FLCN: variants seen among roughly 807,000 people sequenced by gnomAD.
FLCN encodes the protein folliculin.
FLCN carries 22 observed loss-of-function variants against 62.5 expected under a neutral mutation model. The observed-to-expected ratio is 0.35, with a 90% CI of 0.25 to 0.50. The LOEUF is 0.50. Among genes scored for constraint, FLCN ranks in the 20% least tolerant of loss-of-function variants. The pLI is 0.97. For missense variants in FLCN, 657 were observed against 778.0 expected, an observed-to-expected ratio of 0.84 and a Z score of 1.85; for synonymous variants, 319 against 310.0, an observed-to-expected ratio of 1.03 and a Z score of -0.30.
chr17:17,215,635 A>C (rs1252903377), intron 11 of FLCN, among the ~76,000 whole-genome samples: 1 of 152,348 alleles, frequency 6.6e-6, no homozygotes, highest in African/African-American at 2.4e-5. Flanking sequence ...ACAGATGGGG[A>C]AACAGGCCTG....
intron 7 of FLCN, 64 bp downstream of exon 7, chr17:17,222,437 G>A (rs1485923888): frequency 6.2e-7 from 1 of 1,608,784 alleles, no homozygotes; most frequent in Non-Finnish European, 8.5e-7. Context: ...CCATGGACAA[G>A]CCAACCAATG....
At chr17:17,214,266 G>C (rs1597575767) in intron 13 of FLCN, among the ~76,000 whole-genome samples, 2 of 151,668 alleles carry the variant, frequency 1.3e-5, no homozygotes, top group South Asian at 4.1e-4. Flanking sequence ...CAAGAATCGA[G>C]GCAGGAGGAA....
In FLCN at chr17:17,216,542, A is replaced by G. The variant is rs745618482; in HGVS notation, c.1177-39T>C. On this transcript the variant is annotated intron_variant, in intron 10 of 13. Transcript: ENST00000285071. The surrounding 1 kb of genome is among the most constrained non-coding windows in gnomAD (Gnocchi z 4.0). ...CAGGACTCAGACCAAGGACACGAGG[A>G]AGCCCTCAGCCCCGGCCATCCATGC... is the stretch of plus-strand genomic sequence containing the variant. 3.7e-6 allele frequency: 6 copies of G among 1,612,242 alleles called. No homozygotes were observed. The South Asian group carries it at 6.6e-5, about 18-fold the overall frequency.
At chr17:17,219,291 G>T in intron 8 of FLCN, 82 bp from the exon 9 acceptor site, 1 of 1,480,348 alleles carries the variant, frequency 6.8e-7, no homozygotes. Context: ...CATGGGCTGA[G>T]CCGGTCAGTG....
rs76960595 is a variant in FLCN at position 17,216,668 on chromosome 17, G to A, written c.1177-165C>T. Among the ~76,000 whole-genome samples, 4,415 of 152,200 alleles carry A rather than the reference G, an allele frequency of 0.029. 84 individuals are homozygous for A. Among genetic ancestry groups the A allele is most frequent in the Non-Finnish European group, 0.045 (3,062 of 67,988 alleles). Reference sequence around the variant, plus strand: ...TCAGCCCACAGTGGGGGTGAGGGGGGAGGGTCCTCCACCACCAGGTCCCTA... The same window carrying A: ...TCAGCCCACAGTGGGGGTGAGGGGGAAGGGTCCTCCACCACCAGGTCCCTA... On this transcript the variant is annotated intron_variant, in intron 10 of 13. Coordinates refer to ENST00000285071, the MANE Select transcript of FLCN (RefSeq NM_144997.7). This position sits in a 1 kb window ranked among gnomAD's most constrained non-coding sequence, Gnocchi z 4.0.
intron 7 of FLCN, among the ~76,000 whole-genome samples, chr17:17,222,280 C>T (rs1297330332): frequency 3.9e-5 from 6 of 152,050 alleles, no homozygotes; most frequent in Non-Finnish European, 1.5e-5. Flanking sequence ...GTGAGTTCCA[C>T]ATCAATATGT....
chr17:17,226,270 T>C lies in FLCN; in HGVS notation c.302A>G (p.Glu101Gly), dbSNP rs958255980. The change falls in exon 5 of 14, where the codon GAG (glutamate) becomes GGG (glycine). Residue 101 changes from glutamate (E) to glycine (G), a missense_variant. Coordinates refer to ENST00000285071, the MANE Select transcript of FLCN (RefSeq NM_144997.7). ...GTGGCTGACGTATTTAATGGAGGTCTCTTTATCATGGCTGATATATCCCGG... is the reference window on the plus strand; with the variant it reads ...GTGGCTGACGTATTTAATGGAGGTCCCTTTATCATGGCTGATATATCCCGG... ...GHPGYISHDKETSIKYVSHQH... is the reference protein window; with the variant it reads ...GHPGYISHDKGTSIKYVSHQH... The C allele has an allele frequency of 2.5e-6, 4 of 1,614,176 alleles. No individual in the cohort carries two copies. Among genetic ancestry groups the C allele is most frequent in the Admixed American group, 1.7e-5 (1 of 60,024 alleles).
intron 7 of FLCN, 59 bp from the exon 8 acceptor site, chr17:17,221,687 C>T: frequency 6.4e-7 from 1 of 1,552,174 alleles, no homozygotes; most frequent in Non-Finnish European, 8.7e-7. Flanking sequence ...AAACCTGACG[C>T]TCACCCAGCC....
At chr17:17,217,650 G>A (rs1264100199) in intron 9 of FLCN, 1 of 288,236 alleles carries the variant, frequency 3.5e-6, no homozygotes, top group Non-Finnish European at 6.7e-6. Context: ...CAGGGCTGCT[G>A]CCTGCTTGAC....
rs375082054 is a variant in FLCN, at chr17:17,216,395, G to C, written c.1285C>G (p.His429Asp). 11 of 1,611,868 alleles carry C rather than the reference G, an allele frequency of 6.8e-6. No homozygotes were observed. The highest frequency in any genetic ancestry group is 2.2e-5 in the East Asian group (1 of 44,802). ...GLSPHVQIPP[H>D]VLSSEFAVIV... ...GGGCACGCACCTGAGGAGAGCACGT[G>C]GGGGGGGATCTGCACGTGCGGGCTG... Residue 429 changes from histidine to aspartate, a missense_variant, in exon 11 of 14, where the codon CAC becomes GAC. Coordinates refer to ENST00000285071, the MANE Select transcript of FLCN (RefSeq NM_144997.7). This position sits in a 1 kb window ranked among gnomAD's most constrained non-coding sequence, Gnocchi z 4.0.
At position 17,225,513 on chromosome 17, in the gene FLCN, C is replaced by T. The variant is rs146424603; in HGVS notation, c.396+663G>A. On this transcript the variant is annotated intron_variant, in intron 5 of 13. Transcript: ENST00000285071. ...AAATCACAAGGTCAGGAGTTCAAGA[C>T]CAGCTCGGCCAACATGGTGAAATCT... The T allele has an allele frequency of 1.0e-3, 159 of 155,080 alleles. 1 individual carries two copies. The highest frequency in any genetic ancestry group is 1.4e-3 in the Non-Finnish European group (99 of 69,840). 9.6% of individuals were successfully genotyped at this position (155,080 alleles called of 1,614,324 possible).
At chr17:17,222,808 C>T in intron 6 of FLCN, 147 bp from the exon 7 acceptor site, 3 of 878,482 alleles carry the variant, frequency 3.4e-6, no homozygotes, top group Non-Finnish European at 3.7e-6. Context: ...AAAGTGCCAC[C>T]AGTCCAATCA....
At chr17:17,230,423 C>G (rs913022350) in intron 3 of FLCN, among the ~76,000 whole-genome samples, 2 of 151,908 alleles carry the variant, frequency 1.3e-5, no homozygotes, top group Admixed American at 6.6e-5. Context: ...CCCAGCTACT[C>G]AGGAGGCTGA....
chr17:17,215,465 T>G, intron 11 of FLCN, 149 bp from the exon 12 acceptor site: 1 of 1,266,368 alleles, frequency 7.9e-7, no homozygotes, highest in Non-Finnish European at 1.1e-6. Context: ...GCTTTGGTAT[T>G]TAAAACCTTT....
At chr17:17,214,361 C>G (rs2046842683) in intron 13 of FLCN, among the ~76,000 whole-genome samples, 1 of 151,456 alleles carries the variant, frequency 6.6e-6, no homozygotes, top group South Asian at 2.1e-4. Context: ...TTTGGGAGGC[C>G]AAGGTGGGCG....
chr17:17,217,482 C>T (rs2046961814), intron 9 of FLCN: 1 of 443,484 alleles, frequency 2.3e-6, no homozygotes, highest in African/African-American at 2.0e-5. Flanking sequence ...TTCACCTTCT[C>T]TCTACAGACA....
chr17:17,226,080 C>T, intron 5 of FLCN, 96 bp downstream of exon 5: 1 of 1,551,296 alleles, frequency 6.4e-7, no homozygotes, highest in African/African-American at 1.4e-5. Flanking sequence ...AGGACCAGTG[C>T]CTGCCTCCCT....
chr17:17,222,885 T>A, intron 6 of FLCN: 1 of 595,098 alleles, frequency 1.7e-6, no homozygotes, highest in Non-Finnish European at 3.0e-6. Context: ...CGGTTGAGCT[T>A]CTCCTGTCCC....
At chr17:17,236,362 G>A (rs376981930) in intron 1 of FLCN, among the ~76,000 whole-genome samples, 2 of 152,200 alleles carry the variant, frequency 1.3e-5, no homozygotes, top group South Asian at 4.1e-4. Context: ...GATGACCACG[G>A]TGATAATCTG....
Sources: gnomAD v4.1 joint callset for allele counts (sites outside exome capture counted in the v4.1 genomes callset) on GRCh38, gnomAD v4.1.1 for gene constraint, Gnocchi (gnomAD v3.1) non-coding constraint, MANE v1.5 for transcripts, NCBI Gene and HGNC (gene_info 2026-07-23, HGNC 2026-07-21) for gene names.